ITPRID1: variants seen among roughly 807,000 people sequenced by gnomAD.
ITPRID1 encodes ITPR interacting domain containing 1, also known as protein ITPRID1.
ITPRID1 carries 96 observed loss-of-function variants against 95.4 expected under a neutral mutation model. The ratio of observed to expected loss-of-function variants is 1.01; its 90% CI spans 0.85 to 1.19. The LOEUF (loss-of-function observed/expected upper bound fraction) is 1.19, where lower values mean the gene tolerates loss of function less well. ITPRID1 is among the 50% of genes most tolerant of loss of function. The pLI is 0.00. For missense variants in ITPRID1, 1,339 were observed against 1,252.9 expected (o/e 1.07, Z -1.04); for synonymous variants, 510 against 453.6 (o/e 1.12, Z -1.58).
chr7:31,611,224 C>T (rs1786854698), intron 10 of ITPRID1, among the ~76,000 whole-genome samples: 1 of 151,406 alleles, frequency 6.6e-6, no homozygotes, highest in Non-Finnish European at 1.5e-5. Flanking sequence ...TAAAAATTTT[C>T]TCCAGTATAG....
In ITPRID1 at chr7:31,639,544, T is replaced by TTTG. The variant is rs1554298223; in HGVS notation, c.1229-2630_1229-2629insGTT. ...CTTTTGTTTGTTTGTTTTTGTTTTT[T>TTTG]TTTTTTTTTTGAGATGGAGTCTCAC... On this transcript the variant is annotated intron_variant, in intron 10 of 14. Coordinates refer to ENST00000615280, the MANE Select transcript of ITPRID1 (RefSeq NM_001257967.3). Among the ~76,000 whole-genome samples, 126 of 135,196 alleles carry TTTG rather than the reference T, an allele frequency of 9.3e-4. No homozygotes were observed. In the Middle Eastern group the frequency reaches 0.011, roughly 12 times the overall value. 88.7% of individuals were successfully genotyped at this position (135,196 alleles called of 152,430 possible).
Position 31,655,706 on chromosome 7 carries a change from T to C in ITPRID1, c.*2877T>C. The C allele has an allele frequency of 1.0e-6, 1 of 985,474 alleles. No individual in the cohort carries two copies. Among genetic ancestry groups the C allele is most frequent in the Non-Finnish European group, 1.2e-6 (1 of 829,646 alleles). The allele number at this position is 985,474 out of a possible 1,614,324, so 61.0% of individuals were successfully genotyped here. On this transcript the variant is annotated 3_prime_UTR_variant, in exon 15 of 15. Transcript: ENST00000615280. ...ATCATGGCTCAGCTCCCAGCCAAAT[T>C]GACTCCTGATGCATTGCATTTGTGC...
chr7:31,596,704 T>G (rs1404923744), intron 10 of ITPRID1, among the ~76,000 whole-genome samples: 1 of 151,448 alleles, frequency 6.6e-6, no homozygotes, highest in East Asian at 1.9e-4. Context: ...TTCAGATAAA[T>G]TATTAAATGT....
At position 31,645,574 on chromosome 7, in the gene ITPRID1, GGTC is replaced by G. The variant is rs376776124; in HGVS notation, c.2583+1625_2583+1627del. On this transcript the variant is annotated intron_variant, in intron 12 of 14. Coordinates refer to ENST00000615280, the MANE Select transcript of ITPRID1 (RefSeq NM_001257967.3). ...TGGTTCAAATCCTGGGTAACAGTAG[GGTC>G]GTCATCACCATAACCATCATCACCA... Among the ~76,000 whole-genome samples the G allele has an allele frequency of 9.9e-4, 150 of 152,050 alleles. 1 individual carries two copies. Among genetic ancestry groups the G allele is most frequent in the African/African-American group, 3.4e-3 (142 of 41,448 alleles).
Position 31,553,127 on chromosome 7 carries a change from G to A in ITPRID1, c.103G>A (p.Asp35Asn), listed in dbSNP as rs762410735. The A allele has an allele frequency of 6.3e-7, 1 of 1,596,286 alleles. No homozygotes were observed. ...KCTKSAWAPLDEWLPPDPEEE... is the reference protein window; with the variant it reads ...KCTKSAWAPLNEWLPPDPEEE... ...CACCAAAAGCGCGTGGGCTCCGCTG[G>A]ATGAGTGGCTGCCCCCTGACCCTGA... The change falls in exon 3 of 15, where the codon GAT becomes AAT. Residue 35 changes from aspartate (D) to asparagine (N), a missense_variant. Asp to Asn is a conservative substitution (Grantham distance 23). Coordinates refer to ENST00000615280, the MANE Select transcript of ITPRID1 (RefSeq NM_001257967.3).
chr7:31,647,444 C>A (rs140499960), intron 12 of ITPRID1, among the ~76,000 whole-genome samples: 3 of 151,476 alleles, frequency 2.0e-5, no homozygotes, highest in South Asian at 2.1e-4. Flanking sequence ...GGTGGATCAC[C>A]TGAGGTTAGG....
chr7:31,524,314 C>A lies in ITPRID1; in HGVS notation c.-98+10194C>A, dbSNP rs912985374. Among the ~76,000 whole-genome samples the A allele has an allele frequency of 3.3e-5, 5 of 152,268 alleles. No homozygotes were observed. In the South Asian group the frequency reaches 8.3e-4, roughly 25 times the overall value. On this transcript the variant is annotated intron_variant, in intron 1 of 14. Coordinates refer to ENST00000615280, the MANE Select transcript of ITPRID1 (RefSeq NM_001257967.3). ...TCAGATATTTACTGAGCAATCCTTT[C>A]CTATGAGCAAAATAAATGAAAATAC...
chr7:31,648,855 G>T (rs537890766), intron 12 of ITPRID1, among the ~76,000 whole-genome samples: 1 of 152,336 alleles, frequency 6.6e-6, no homozygotes, highest in East Asian at 1.9e-4. Flanking sequence ...TAGAAGAAAA[G>T]AAATGAAACA....
chr7:31,520,242 A>T (rs1027992946), intron 1 of ITPRID1, among the ~76,000 whole-genome samples: 1 of 152,152 alleles, frequency 6.6e-6, no homozygotes, highest in African/African-American at 2.4e-5. Context: ...ACACACTATC[A>T]ACCTGACTTA....
rs559018987 is a variant in ITPRID1 at position 31,618,644 on chromosome 7, T to C, written c.1229-23532T>C. 2.1e-5 allele frequency among the ~76,000 whole-genome samples: 3 copies of C among 140,266 alleles called. 1 individual carries two copies. In the South Asian group the frequency reaches 6.5e-4, roughly 30 times the overall value. The allele number at this position is 140,266 out of a possible 152,430, so 92.0% of individuals were successfully genotyped here. A position where few individuals can be genotyped will look rare whatever the true frequency, so the allele number is the denominator to read the frequency against. On this transcript the variant is annotated intron_variant, in intron 10 of 14. Transcript: ENST00000615280. ...CTCCCCTCCATTAATGGGGTCACAA[T>C]GTAGAAACCCATAATTATAGTTGAG...
At position 31,571,059 on chromosome 7, in the gene ITPRID1, G is replaced by A. The variant is rs189268722; in HGVS notation, c.309-1043G>A. ...TTTGTTTGTTTGTTTTTGAGACAGAGTCTCTGTCACCCAGGCTAGAGTGCA... is the reference window on the plus strand; with the variant it reads ...TTTGTTTGTTTGTTTTTGAGACAGAATCTCTGTCACCCAGGCTAGAGTGCA... On this transcript the variant is annotated intron_variant, in intron 6 of 14. Transcript: ENST00000615280. Among the ~76,000 whole-genome samples, 120 of 151,968 alleles carry A rather than the reference G, an allele frequency of 7.9e-4. No homozygotes were observed. In the East Asian group the frequency reaches 0.02, roughly 25 times the overall value.
At chr7:31,592,666 T>G (rs563039377) in intron 10 of ITPRID1, among the ~76,000 whole-genome samples, 1 of 152,334 alleles carries the variant, frequency 6.6e-6, no homozygotes, top group Non-Finnish European at 1.5e-5. Context: ...TGTGAGAATC[T>G]AATGCAACCA....
At position 31,631,122 on chromosome 7, in the gene ITPRID1, T is replaced by G. The variant is rs889311712; in HGVS notation, c.1229-11054T>G. 2.6e-5 allele frequency among the ~76,000 whole-genome samples: 4 copies of G among 152,190 alleles called. No homozygotes were observed. In the East Asian group the frequency reaches 5.8e-4, roughly 22 times the overall value. ...ATACCATTGTCAGCAGTTTTATGGC[T>G]AAGCTCTTTTAACATTATAAGAAAA... On this transcript the variant is annotated intron_variant, in intron 10 of 14. Transcript: ENST00000615280.
intron 2 of ITPRID1, among the ~76,000 whole-genome samples, chr7:31,550,602 A>G (rs1481601605): frequency 6.6e-6 from 1 of 152,106 alleles, no homozygotes; most frequent in African/African-American, 2.4e-5. Context: ...TAGAAAATCC[A>G]TTTCCAGAAG....
chr7:31,545,769 G>A (rs1357393215), intron 1 of ITPRID1, among the ~76,000 whole-genome samples: 2 of 152,028 alleles, frequency 1.3e-5, no homozygotes, highest in Non-Finnish European at 2.9e-5. Flanking sequence ...ATCACAGACT[G>A]CTTGTTCCTC....
intron 3 of ITPRID1, 147 bp from the exon 4 acceptor site, chr7:31,554,328 T>A: frequency 3.7e-6 from 5 of 1,347,892 alleles, no homozygotes; most frequent in Non-Finnish European, 4.8e-6. Flanking sequence ...GATTTTGCCT[T>A]CAGGAAAAAA....
At chr7:31,598,688 C>G (rs1786212551) in intron 10 of ITPRID1, among the ~76,000 whole-genome samples, 3 of 152,032 alleles carry the variant, frequency 2.0e-5, no homozygotes, top group Admixed American at 2.0e-4. Context: ...CAGGCGTGAG[C>G]CACCGCGCTC....
chr7:31,640,487 T>G (rs572816967), intron 10 of ITPRID1, among the ~76,000 whole-genome samples: 2 of 152,342 alleles, frequency 1.3e-5, no homozygotes, highest in East Asian at 1.9e-4. Flanking sequence ...CAGCTTCAAG[T>G]GTCTGCAAGG....
chr7:31,600,273 T>G (rs545593752), intron 10 of ITPRID1, among the ~76,000 whole-genome samples: 1 of 152,346 alleles, frequency 6.6e-6, no homozygotes, highest in East Asian at 1.9e-4. Flanking sequence ...TATAACAATA[T>G]GTATCAGAAA....
Sources: allele counts gnomAD v4.1 joint callset (sites outside exome capture counted in the v4.1 genomes callset), GRCh38; gene constraint gnomAD v4.1.1; transcripts MANE v1.5; gene names NCBI Gene and HGNC (gene_info 2026-07-23, HGNC 2026-07-21).